The following DLGAP1 variants were observed in gnomAD, a reference collection of about 807,000 sequenced individuals.
DLGAP1 encodes DLG associated protein 1, also known as disks large-associated protein 1.
Under a neutral mutation model 90.8 loss-of-function variants are expected in DLGAP1, and 11 were observed. The observed-to-expected ratio is 0.12, with a 90% CI of 0.08 to 0.20. The LOEUF (loss-of-function observed/expected upper bound fraction) is 0.20. Among genes scored for constraint, DLGAP1 ranks in the 10% least tolerant of loss-of-function variants. DLGAP1 has a pLI of 1.00. For synonymous variants in DLGAP1, 558 were observed against 540.7 expected, an observed-to-expected ratio of 1.03 and a Z score of -0.44; for missense variants, 1,050 against 1,333.8, an observed-to-expected ratio of 0.79 and a Z score of 3.31.
chr18:3,680,701 A>C (rs2060482255), intron 7 of DLGAP1, among the ~76,000 whole-genome samples: 1 of 148,856 alleles, frequency 6.7e-6, no homozygotes, highest in Admixed American at 6.8e-5. Context: ...AGGCAGGAGA[A>C]TGGCGTGAAC....
At chr18:3,539,628 G>A (rs889761195) in intron 9 of DLGAP1, among the ~76,000 whole-genome samples, 4 of 152,174 alleles carry the variant, frequency 2.6e-5, no homozygotes, top group Non-Finnish European at 5.9e-5. Context: ...CAACTTTTCT[G>A]TACAGCAAGT....
chr18:4,383,969 C>A lies in DLGAP1; in HGVS notation c.-267+71037G>T, dbSNP rs2082180300. Among the ~76,000 whole-genome samples, 2 of 152,032 alleles carry A rather than the reference C, an allele frequency of 1.3e-5. No homozygotes were observed. Among genetic ancestry groups the A allele is most frequent in the Non-Finnish European group, 2.9e-5 (2 of 67,980 alleles). On this transcript the variant is annotated intron_variant, in intron 1 of 12. Coordinates refer to ENST00000315677, the MANE Select transcript of DLGAP1 (RefSeq NM_004746.4). This position sits in a 1 kb window ranked among gnomAD's most constrained non-coding sequence, Gnocchi z 4.0. ...CCTTTCACTCTGCTAATAAGATGTA[C>A]AAAAGTCAAAACAGCTTCCATACAC...
At chr18:3,646,918 C>T (rs1024537294) in intron 7 of DLGAP1, among the ~76,000 whole-genome samples, 5 of 151,134 alleles carry the variant, frequency 3.3e-5, no homozygotes, top group Admixed American at 3.3e-4. Flanking sequence ...GGGCGAGACT[C>T]CATCTCAAAA....
At chr18:3,705,956 GCCCC>G (rs1488374442) in intron 7 of DLGAP1, among the ~76,000 whole-genome samples, 1 of 147,710 alleles carries the variant, frequency 6.8e-6, no homozygotes, top group Admixed American at 6.7e-5. Flanking sequence ...ACCGCGCTCG[GCCCC>G]CAGTATAATT....
intron 1 of DLGAP1, among the ~76,000 whole-genome samples, chr18:4,353,061 C>CAA (rs2081433877): frequency 6.6e-6 from 1 of 152,166 alleles, no homozygotes. Flanking sequence ...TGGGCAACAA[C>CAA]CCTGGCTCAG....
chr18:4,163,643 T>C (rs540075788), intron 1 of DLGAP1, among the ~76,000 whole-genome samples: 1 of 152,346 alleles, frequency 6.6e-6, no homozygotes, highest in South Asian at 2.1e-4. Flanking sequence ...TCTGTTGATA[T>C]AATAATTAGC....
Position 3,517,261 on chromosome 18 carries a change from G to A in DLGAP1, c.2480-8600C>T, listed in dbSNP as rs141100248. Among the ~76,000 whole-genome samples, 14 of 152,300 alleles carry A rather than the reference G, an allele frequency of 9.2e-5. No homozygotes were observed. In the East Asian group the frequency reaches 2.7e-3, roughly 29 times the overall value. On this transcript the variant is annotated intron_variant, in intron 10 of 12. Transcript: ENST00000315677. The surrounding 1 kb of genome is among the most constrained non-coding windows in gnomAD (Gnocchi z 4.1). ...CAAGAGAGTGAGCCTGTCCTTTGAA[G>A]CTATGAAAGACCTACATGGCATCTC...
chr18:3,921,370 C>T (rs1376947926), intron 3 of DLGAP1, among the ~76,000 whole-genome samples: 1 of 151,974 alleles, frequency 6.6e-6, no homozygotes, highest in African/African-American at 2.4e-5. Flanking sequence ...GTAAAATCAC[C>T]ACCAGAGAAA....
chr18:4,054,849 C>T (rs1011607232), intron 2 of DLGAP1, among the ~76,000 whole-genome samples: 1 of 152,186 alleles, frequency 6.6e-6, no homozygotes, highest in Non-Finnish European at 1.5e-5. Flanking sequence ...TGAGCACTGG[C>T]TTTAGAAAAT....
rs531111895 is a variant in DLGAP1 at position 4,044,370 on chromosome 18, A to C, written c.-158-39169T>G. ...ATCTCTACAGTCCTCCAATTTGAACACTCAAATCAGCACAGAAAACCAAGT... is the reference window on the plus strand; with the variant it reads ...ATCTCTACAGTCCTCCAATTTGAACCCTCAAATCAGCACAGAAAACCAAGT... On this transcript the variant is annotated intron_variant, in intron 2 of 12. Transcript: ENST00000315677. Among the ~76,000 whole-genome samples the C allele has an allele frequency of 7.9e-5, 12 of 152,328 alleles. No individual in the cohort carries two copies. The East Asian group carries it at 1.2e-3, about 15-fold the overall frequency.
chr18:4,250,573 A>T (rs2078759326), intron 1 of DLGAP1, among the ~76,000 whole-genome samples: 1 of 152,224 alleles, frequency 6.6e-6, no homozygotes, highest in Non-Finnish European at 1.5e-5. Context: ...AATGTGGTTC[A>T]TATTTAGTGG....
chr18:4,036,846 C>T (rs1316873037), intron 2 of DLGAP1, among the ~76,000 whole-genome samples: 1 of 152,128 alleles, frequency 6.6e-6, no homozygotes, highest in African/African-American at 2.4e-5. Flanking sequence ...TAAAGCCCAA[C>T]AGGATAAGTA....
intron 1 of DLGAP1, among the ~76,000 whole-genome samples, chr18:4,320,227 G>C (rs766948141): frequency 6.6e-6 from 1 of 152,166 alleles, no homozygotes; most frequent in African/African-American, 2.4e-5. Context: ...ACAGCTGCTT[G>C]CGTCATTTTA....
intron 4 of DLGAP1, among the ~76,000 whole-genome samples, chr18:3,819,082 C>T (rs920299543): frequency 3.3e-5 from 5 of 151,528 alleles, no homozygotes; most frequent in Non-Finnish European, 7.4e-5. Flanking sequence ...GAGGCCGAGA[C>T]GGGCAGATCA....
chr18:3,765,119 T>TTTTTTTC (rs2064161359), intron 5 of DLGAP1, among the ~76,000 whole-genome samples: 1 of 134,292 alleles, frequency 7.4e-6, no homozygotes, highest in African/African-American at 3.0e-5. Flanking sequence ...CTTGCAAACT[T>TTTTTTTC]TTTTTTTTTT....
At chr18:4,286,680 G>C (rs2079700945) in intron 1 of DLGAP1, among the ~76,000 whole-genome samples, 1 of 152,096 alleles carries the variant, frequency 6.6e-6, no homozygotes, top group African/African-American at 2.4e-5. Flanking sequence ...TGTTCATGAT[G>C]GAACTAGTTA....
At chr18:4,082,717 G>A (rs898294201) in intron 2 of DLGAP1, among the ~76,000 whole-genome samples, 1 of 135,762 alleles carries the variant, frequency 7.4e-6, no homozygotes, top group African/African-American at 2.7e-5. Context: ...CTCCATTTTT[G>A]CAGATAGGGA....
At chr18:3,563,475 G>GT (rs34564118) in intron 9 of DLGAP1, among the ~76,000 whole-genome samples, 3 of 137,740 alleles carry the variant, frequency 2.2e-5, no homozygotes, top group South Asian at 2.3e-4. Flanking sequence ...TGTTTTTTTG[G>GT]TTTTTTTTTT....
chr18:3,760,271 C>T (rs373990480), intron 5 of DLGAP1, among the ~76,000 whole-genome samples: 78 of 152,124 alleles, frequency 5.1e-4, no homozygotes, highest in East Asian at 4.1e-3. Flanking sequence ...CAGGGAACTG[C>T]GGAAGGAAGA....
Sources: allele counts gnomAD v4.1 joint callset (sites outside exome capture counted in the v4.1 genomes callset), GRCh38; gene constraint gnomAD v4.1.1; non-coding constraint Gnocchi (gnomAD v3.1); transcripts MANE v1.5; gene names NCBI Gene and HGNC (gene_info 2026-07-23, HGNC 2026-07-21).